The following PDE8A variants were observed in gnomAD, a reference collection of about 807,000 sequenced individuals.
PDE8A encodes phosphodiesterase 8A.
In PDE8A, 59 loss-of-function variants were observed where a neutral mutation model predicts 105.0. The ratio of observed to expected loss-of-function variants is 0.56; its 90% CI spans 0.46 to 0.70. The LOEUF is 0.70. PDE8A is among the 30% of genes least tolerant of loss of function. PDE8A has a pLI of 0.00. For synonymous variants in PDE8A, 355 were observed against 371.9 expected (o/e 0.95, Z 0.52); for missense variants, 1,014 against 1,045.9 (o/e 0.97, Z 0.42).
intron 1 of PDE8A, among the ~76,000 whole-genome samples, chr15:85,017,887 C>CAAAGAAAAAAAAAAAA (rs2080353930): frequency 1.2e-5 from 1 of 81,290 alleles, no homozygotes; most frequent in Admixed American, 1.5e-4. Context: ...AACTCCGTCT[C>CAAAGAAAAAAAAAAAA]AAAAAAAAAA....
At chr15:85,092,634 C>T (rs1045838861) in intron 8 of PDE8A, among the ~76,000 whole-genome samples, 3 of 152,066 alleles carry the variant, frequency 2.0e-5, no homozygotes, top group African/African-American at 7.2e-5. Context: ...TGGGTATGAA[C>T]CAGGATGGGC....
intron 1 of PDE8A, among the ~76,000 whole-genome samples, chr15:84,984,854 A>G (rs1034987929): frequency 1.3e-5 from 2 of 152,160 alleles, no homozygotes; most frequent in African/African-American, 4.8e-5. Context: ...TCAATGGAGC[A>G]TTTCAGAGTT....
chr15:84,989,121 A>T (rs114243554), intron 1 of PDE8A, among the ~76,000 whole-genome samples: 1,525 of 152,218 alleles, frequency 0.01, 31 homozygotes, highest in African/African-American at 0.035. Context: ...CTTCTGTTCT[A>T]CTTTTGTTCT....
Position 85,091,037 on chromosome 15 carries a change from C to T in PDE8A, c.715-7C>T. On this transcript the variant is annotated splice_polypyrimidine_tract_variant and splice_region_variant and intron_variant, in intron 7 of 21. Coordinates refer to ENST00000394553, the MANE Select transcript of PDE8A (RefSeq NM_002605.3). Reference sequence around the variant, plus strand: ...CACTTTATGTTTTTTCTTTTGTCTCCCTTCAGTATGCAAATCCTGCATTTG... The same window carrying T: ...CACTTTATGTTTTTTCTTTTGTCTCTCTTCAGTATGCAAATCCTGCATTTG... 3 of 1,600,358 alleles carry T rather than the reference C, an allele frequency of 1.9e-6. No homozygotes were observed. The highest frequency in any genetic ancestry group is 2.6e-6 in the Non-Finnish European group (3 of 1,174,370).
intron 1 of PDE8A, among the ~76,000 whole-genome samples, chr15:85,030,018 C>T (rs916918968): frequency 2.0e-4 from 31 of 152,268 alleles, no homozygotes; most frequent in African/African-American, 7.5e-4. Flanking sequence ...GAAGGAACAT[C>T]TAGTGGCTTC....
At chr15:85,051,098 CT>C (rs2080965694) in intron 1 of PDE8A, among the ~76,000 whole-genome samples, 2 of 151,790 alleles carry the variant, frequency 1.3e-5, no homozygotes, top group African/African-American at 2.4e-5. Flanking sequence ...TTGTAATTTC[CT>C]TTTCAGATTG....
At chr15:85,131,259 AG>A (rs745594297) in intron 20 of PDE8A, among the ~76,000 whole-genome samples, 3 of 152,174 alleles carry the variant, frequency 2.0e-5, no homozygotes, top group Non-Finnish European at 4.4e-5. Context: ...GTGGCTTTTG[AG>A]TTGAATCTAT....
intron 12 of PDE8A, among the ~76,000 whole-genome samples, chr15:85,112,389 G>T (rs1159657717): frequency 1.3e-5 from 2 of 152,126 alleles, no homozygotes; most frequent in Non-Finnish European, 2.9e-5. Flanking sequence ...GATCTCTGTT[G>T]TTTGTTACAA....
At chr15:85,060,415 T>G (rs1444548459) in intron 1 of PDE8A, among the ~76,000 whole-genome samples, 1 of 152,224 alleles carries the variant, frequency 6.6e-6, no homozygotes, top group Non-Finnish European at 1.5e-5. Context: ...TTCAGCCAAC[T>G]GAAGATTGAA....
chr15:85,093,569 C>CTTT (rs371343258), intron 8 of PDE8A, among the ~76,000 whole-genome samples: 1 of 39,014 alleles, frequency 2.6e-5, no homozygotes, highest in African/African-American at 2.0e-4. Flanking sequence ...GAAGTTTGAC[C>CTTT]TTGGGGCAGA....
chr15:85,076,671 A>G (rs2081384490), intron 4 of PDE8A, 62 bp from the exon 5 acceptor site: 3 of 966,452 alleles, frequency 3.1e-6, no homozygotes, highest in Admixed American at 3.4e-5. Flanking sequence ...TTAGTAGAGT[A>G]AAAGAGGTGA....
chr15:85,122,920 T>A, intron 18 of PDE8A, 141 bp from the exon 19 acceptor site: 1 of 845,850 alleles, frequency 1.2e-6, no homozygotes. Context: ...CATGTCTTTT[T>A]AAAATGTGCC....
chr15:85,124,585 C>T (rs1596542910), intron 19 of PDE8A, among the ~76,000 whole-genome samples: 1 of 152,136 alleles, frequency 6.6e-6, no homozygotes, highest in Non-Finnish European at 1.5e-5. Context: ...TTGTCTGCCC[C>T]CTGGTTTTCT....
intron 6 of PDE8A, among the ~76,000 whole-genome samples, chr15:85,084,226 C>T (rs1407874194): frequency 2.0e-5 from 3 of 152,138 alleles, no homozygotes; most frequent in Admixed American, 2.0e-4. Context: ...ATTTCCTTTA[C>T]TAGGGATCAA....
chr15:85,070,101 G>T (rs1363201210), intron 3 of PDE8A, among the ~76,000 whole-genome samples: 2 of 152,036 alleles, frequency 1.3e-5, no homozygotes, highest in African/African-American at 4.8e-5. Context: ...TGAGACCTTA[G>T]CCCTGCAGAA....
intron 1 of PDE8A, among the ~76,000 whole-genome samples, chr15:85,002,450 G>C (rs1207383109): frequency 6.6e-6 from 1 of 152,212 alleles, no homozygotes; most frequent in Non-Finnish European, 1.5e-5. Flanking sequence ...CTGTAGAGTT[G>C]GGTGCGCCAC....
intron 2 of PDE8A, among the ~76,000 whole-genome samples, chr15:85,064,952 A>G (rs1180165344): frequency 6.6e-6 from 1 of 152,204 alleles, no homozygotes; most frequent in Non-Finnish European, 1.5e-5. Flanking sequence ...AGCCTGGGCA[A>G]CAGAGTGAGA....
intron 5 of PDE8A, among the ~76,000 whole-genome samples, chr15:85,078,865 A>G (rs1189328099): frequency 1.3e-5 from 2 of 152,204 alleles, no homozygotes. Flanking sequence ...ACAGGGAGAA[A>G]GAGACTACAA....
chr15:84,996,591 G>A (rs2079980030), intron 1 of PDE8A, among the ~76,000 whole-genome samples: 1 of 152,104 alleles, frequency 6.6e-6, no homozygotes, highest in Admixed American at 6.5e-5. Flanking sequence ...TTGGGCGGCT[G>A]AGGCGGGCAA....
Sources: gnomAD v4.1 joint callset for allele counts (sites outside exome capture counted in the v4.1 genomes callset) on GRCh38, gnomAD v4.1.1 for gene constraint, MANE v1.5 for transcripts, NCBI Gene and HGNC (gene_info 2026-07-23, HGNC 2026-07-21) for gene names.